Variants in NACC2 observed in about 807,000 individuals in gnomAD.
The protein encoded by NACC2 is NACC family member 2.
In NACC2, 8 loss-of-function variants were observed where a neutral mutation model predicts 25.1. That is an observed-to-expected ratio of 0.32 (90% CI 0.19 to 0.57). NACC2 has a LOEUF of 0.57. NACC2 is among the 20% of genes least tolerant of loss of function. The pLI is 0.89. For missense variants in NACC2, 644 were observed against 650.2 expected (o/e 0.99, Z 0.10); for synonymous variants, 435 against 294.7 (o/e 1.48, Z -4.88).
At chr9:136,094,743 A>T (rs75959523) in intron 1 of NACC2, among the ~76,000 whole-genome samples, 1 of 149,464 alleles carries the variant, frequency 6.7e-6, no homozygotes, top group Non-Finnish European at 1.5e-5. Context: ...AGGGGTGGGT[A>T]CCTCCGCCCT....
rs1237059788 is a variant in NACC2, at chr9:136,013,645, G to A, written c.1157+219C>T. 6.6e-6 allele frequency among the ~76,000 whole-genome samples: 1 copy of A among 152,176 alleles called. No individual in the cohort carries two copies. The highest frequency in any genetic ancestry group is 1.5e-5 in the Non-Finnish European group (1 of 68,040). Reference sequence around the variant, plus strand: ...TCTTCATTTTTCTGTTGTGGGGGTTGCATCCACAAGCCCGTTTGAGAAAGG... The same window carrying A: ...TCTTCATTTTTCTGTTGTGGGGGTTACATCCACAAGCCCGTTTGAGAAAGG... On this transcript the variant is annotated intron_variant, in intron 4 of 5. Transcript: ENST00000277554. The surrounding 1 kb of genome is among the most constrained non-coding windows in gnomAD (Gnocchi z 6.6).
chr9:136,026,622 A>G (rs1039386687), intron 2 of NACC2, among the ~76,000 whole-genome samples: 1 of 152,226 alleles, frequency 6.6e-6, no homozygotes, highest in Admixed American at 6.5e-5. Context: ...AAATGTGCAG[A>G]TAAATATAAA....
intron 1 of NACC2, among the ~76,000 whole-genome samples, chr9:136,075,666 TGTC>T (rs1830255622): frequency 6.6e-6 from 1 of 152,224 alleles, no homozygotes; most frequent in Non-Finnish European, 1.5e-5. Context: ...GTGCTGATGC[TGTC>T]CTGAGCTCCC....
intron 2 of NACC2, among the ~76,000 whole-genome samples, chr9:136,033,897 GTGTGTGTGT>G (rs1840512537): frequency 9.9e-5 from 2 of 20,302 alleles, no homozygotes; most frequent in African/African-American, 1.7e-4. Flanking sequence ...TCCAGCAGGT[GTGTGTGTGT>G]GTGTGTGTGT....
In NACC2 at chr9:136,094,932, G is replaced by C. The variant is rs1214158852; in HGVS notation, c.-60+257C>G. ...ACGCGCGGCGCGGCGTCCCGGCCCG[G>C]GGTCGCGGGCGCCTCCGCCGGGACC... On this transcript the variant is annotated intron_variant, in intron 1 of 5. Coordinates refer to ENST00000277554, the MANE Select transcript of NACC2 (RefSeq NM_144653.5). Among the ~76,000 whole-genome samples the C allele has an allele frequency of 2.7e-5, 4 of 147,742 alleles. No individual in the cohort carries two copies. In the East Asian group the frequency reaches 7.9e-4, roughly 29 times the overall value.
Position 136,016,302 on chromosome 9 carries a change from C to G in NACC2, c.1014G>C (p.Ser338=). Reference sequence around the variant, plus strand: ...CCAGCTTCTCCCCGGGGTCCCCTTCCGAGTAGAGCTTGGGATGGCAGCGGT... The same window carrying G: ...CCAGCTTCTCCCCGGGGTCCCCTTCGGAGTAGAGCTTGGGATGGCAGCGGT... ...IGYRCHPKLY[S]EGDPGEKLEL... Residue 338 remains serine, a synonymous_variant, in exon 3 of 6, where the codon TCG becomes TCC. Transcript: ENST00000277554. 2.5e-6 allele frequency: 4 copies of G among 1,612,982 alleles called. No homozygotes were observed. The highest frequency in any genetic ancestry group is 1.7e-4 in the Middle Eastern group (1 of 5,744).
intron 1 of NACC2, among the ~76,000 whole-genome samples, chr9:136,085,894 G>A (rs865855797): frequency 5.9e-5 from 9 of 152,252 alleles, no homozygotes; most frequent in Non-Finnish European, 1.2e-4. Context: ...CCCAGAGGCC[G>A]GGCGCCGTGC....
chr9:136,035,644 G>C (rs889524043), intron 2 of NACC2, among the ~76,000 whole-genome samples: 1 of 151,912 alleles, frequency 6.6e-6, no homozygotes, highest in African/African-American at 2.4e-5. Flanking sequence ...GAGGATGATG[G>C]ATTGAGATAA....
intron 2 of NACC2, among the ~76,000 whole-genome samples, chr9:136,036,911 G>C (rs1840562285): frequency 1.3e-5 from 2 of 152,258 alleles, no homozygotes; most frequent in Non-Finnish European, 2.9e-5. Context: ...CAAATCCTAA[G>C]CAGAATAAAT....
At chr9:136,060,593 G>T (rs1024063500) in intron 1 of NACC2, among the ~76,000 whole-genome samples, 1 of 152,232 alleles carries the variant, frequency 6.6e-6, no homozygotes, top group African/African-American at 2.4e-5. Context: ...TCCCTGGCCC[G>T]AGAAGGCCAA....
Position 136,040,205 on chromosome 9 carries a change from C to T in NACC2, c.886+9431G>A, listed in dbSNP as rs914150929. 5.3e-5 allele frequency among the ~76,000 whole-genome samples: 8 copies of T among 151,996 alleles called. No individual in the cohort carries two copies. In the East Asian group the frequency reaches 7.7e-4, roughly 15 times the overall value. ...CTAAAAATACAAAAAATTAGCCGGG[C>T]GTGGTGGCGGGCACCTGTATTCCCA... is the stretch of plus-strand genomic sequence containing the variant. On this transcript the variant is annotated intron_variant, in intron 2 of 5. Transcript: ENST00000277554.
intron 1 of NACC2, among the ~76,000 whole-genome samples, chr9:136,091,526 T>C (rs935997660): frequency 6.6e-6 from 1 of 152,218 alleles, no homozygotes; most frequent in African/African-American, 2.4e-5. Context: ...GCTGATCCCC[T>C]GTGTGGACAG....
At position 136,020,545 on chromosome 9, in the gene NACC2, G is replaced by C. The variant is rs2131138086; in HGVS notation, c.887-4116C>G. The stretch of plus-strand genomic sequence containing the variant: ...GTGGAGCCCAGCAGAGCCTCGGCGG[G>C]GGTAGGAGGGAGACGGGGAGGCCTA... On this transcript the variant is annotated intron_variant, in intron 2 of 5. Transcript: ENST00000277554. The surrounding 1 kb of genome is among the most constrained non-coding windows in gnomAD (Gnocchi z 4.7). Among the ~76,000 whole-genome samples, 1 of 152,334 alleles carries C rather than the reference G, an allele frequency of 6.6e-6. No homozygotes were observed. Among genetic ancestry groups the C allele is most frequent in the South Asian group, 2.1e-4 (1 of 4,832 alleles).
chr9:136,074,027 C>A (rs536947781), intron 1 of NACC2, among the ~76,000 whole-genome samples: 10 of 152,186 alleles, frequency 6.6e-5, no homozygotes, highest in Admixed American at 3.3e-4. Flanking sequence ...AGATCTTGGC[C>A]GGGCACAGTG....
intron 2 of NACC2, among the ~76,000 whole-genome samples, chr9:136,034,329 C>T (rs1231633865): frequency 6.6e-6 from 1 of 151,582 alleles, no homozygotes; most frequent in African/African-American, 2.4e-5. Flanking sequence ...AATAACAAAT[C>T]GTAAGAGAGT....
chr9:136,039,309 G>T (rs931116045), intron 2 of NACC2, among the ~76,000 whole-genome samples: 6 of 152,234 alleles, frequency 3.9e-5, no homozygotes, highest in Middle Eastern at 6.8e-3. Context: ...AATTGTAATT[G>T]GTAAGAATGC....
chr9:136,051,062 G>A (rs2131163410), intron 1 of NACC2, among the ~76,000 whole-genome samples: 1 of 152,346 alleles, frequency 6.6e-6, no homozygotes, highest in African/African-American at 2.4e-5. Flanking sequence ...CTCTGGAGCT[G>A]TGCAGTTTGC....
rs907577271 is a variant in NACC2, at chr9:136,051,752, G to T, written c.-59-1172C>A. Among the ~76,000 whole-genome samples the T allele has an allele frequency of 2.9e-4, 44 of 152,270 alleles. No individual in the cohort carries two copies. The South Asian group carries it at 3.7e-3, about 13-fold the overall frequency. ...CCTACCTTCAGCCGCTGCGGCCGCCGGCCGGCACTGCCCGCTCCGCCTGGC... is the reference window on the plus strand; with the variant it reads ...CCTACCTTCAGCCGCTGCGGCCGCCTGCCGGCACTGCCCGCTCCGCCTGGC... On this transcript the variant is annotated intron_variant, in intron 1 of 5. Coordinates refer to ENST00000277554, the MANE Select transcript of NACC2 (RefSeq NM_144653.5).
At position 136,011,115 on chromosome 9, in the gene NACC2, C is replaced by G. The variant is rs983177822; in HGVS notation, c.*401G>C. 6.3e-6 allele frequency: 1 copy of G among 159,314 alleles called. No individual in the cohort carries two copies. Among genetic ancestry groups the G allele is most frequent in the Non-Finnish European group, 1.4e-5 (1 of 73,250 alleles). 9.9% of individuals were successfully genotyped at this position (159,314 alleles called of 1,614,324 possible). Reference sequence around the variant, plus strand: ...GAAGGGTCAGTGACGCACAGCCCAGCCCCCTCGCCACAGACCACCGCCGGC... The same window carrying G: ...GAAGGGTCAGTGACGCACAGCCCAGGCCCCTCGCCACAGACCACCGCCGGC... On this transcript the variant is annotated 3_prime_UTR_variant, in exon 6 of 6. Coordinates refer to ENST00000277554, the MANE Select transcript of NACC2 (RefSeq NM_144653.5).
Sources: gnomAD v4.1 joint callset for allele counts (sites outside exome capture counted in the v4.1 genomes callset) on GRCh38, gnomAD v4.1.1 for gene constraint, Gnocchi (gnomAD v3.1) non-coding constraint, MANE v1.5 for transcripts, NCBI Gene and HGNC (gene_info 2026-07-23, HGNC 2026-07-21) for gene names.